Variants in SYCP1 observed in about 807,000 individuals in gnomAD.
The protein encoded by SYCP1 is cancer/testis antigen 8.
SYCP1 carries 64 observed loss-of-function variants against 153.1 expected under a neutral mutation model. The ratio of observed to expected loss-of-function variants is 0.42; its 90% confidence interval spans 0.34 to 0.51. The LOEUF (loss-of-function observed/expected upper bound fraction) is 0.51. Ranked by LOEUF, SYCP1 falls within the 20% of genes least tolerant of loss-of-function variation. The probability of loss-of-function intolerance (pLI) is 0.06; values close to 1 mark genes in which losing one functional copy is unlikely to be tolerated. For missense variants in SYCP1, 997 were observed against 1,049.0 expected, an observed-to-expected ratio of 0.95 and a Z score of 0.68; for synonymous variants, 384 against 341.8, an observed-to-expected ratio of 1.12 and a Z score of -1.36.
At chr1:114,976,034 T>A (rs1392941904) in intron 27 of SYCP1, among the ~76,000 whole-genome samples, 2 of 151,814 alleles carry the variant, frequency 1.3e-5, no homozygotes, top group Non-Finnish European at 3.0e-5. Flanking sequence ...TTGATGCTGA[T>A]ATGCTTGCAC....
intron 12 of SYCP1, among the ~76,000 whole-genome samples, chr1:114,878,711 T>G (rs1665709223): frequency 1.3e-5 from 2 of 152,154 alleles, no homozygotes; most frequent in Admixed American, 1.3e-4. Flanking sequence ...GCCTGGCTAA[T>G]TTTTGTATTT....
chr1:114,969,905 C>T (rs1672368566), intron 27 of SYCP1, among the ~76,000 whole-genome samples: 1 of 152,148 alleles, frequency 6.6e-6, no homozygotes, highest in Non-Finnish European at 1.5e-5. Context: ...GATGGAGTTC[C>T]CCGGTCCCTT....
chr1:114,916,509 A>G (rs1264512666), intron 20 of SYCP1, among the ~76,000 whole-genome samples: 1 of 152,020 alleles, frequency 6.6e-6, no homozygotes, highest in African/African-American at 2.4e-5. Flanking sequence ...TTGATAATTT[A>G]AAAGATAAGG....
Position 114,920,929 on chromosome 1 carries a change from AT to A in SYCP1, c.1719-2518del, listed in dbSNP as rs139879005. 6.6e-3 allele frequency among the ~76,000 whole-genome samples: 1,002 copies of A among 152,144 alleles called. 6 individuals are homozygous for A. Among genetic ancestry groups the A allele is most frequent in the Non-Finnish European group, 8.9e-3 (603 of 67,992 alleles). On this transcript the variant is annotated intron_variant, in intron 20 of 31. Coordinates refer to ENST00000369522, the MANE Select transcript of SYCP1 (RefSeq NM_003176.4). ...CCTGTTGGGTCTTGTTTTTCTATCC[AT>A]TCAATTGCTCTATGTCTTTTGATTG...
At chr1:114,887,585 C>T (rs1666400392) in intron 14 of SYCP1, 41 bp from the exon 15 acceptor site, 1 of 1,367,596 alleles carries the variant, frequency 7.3e-7, no homozygotes, top group Non-Finnish European at 1.0e-6. Flanking sequence ...TGAATTCTGA[C>T]TAAAATAATA....
At chr1:114,982,457 G>C (rs946162203) in intron 29 of SYCP1, among the ~76,000 whole-genome samples, 3 of 151,482 alleles carry the variant, frequency 2.0e-5, no homozygotes, top group Non-Finnish European at 2.9e-5. Flanking sequence ...TTATATTCAG[G>C]CTCATGGATT....
chr1:114,917,439 G>A (rs1245017801), intron 20 of SYCP1, among the ~76,000 whole-genome samples: 1 of 152,098 alleles, frequency 6.6e-6, no homozygotes, highest in Non-Finnish European at 1.5e-5. Context: ...TGTGAACAGT[G>A]CTTCAATTAA....
intron 15 of SYCP1, 83 bp from the exon 16 acceptor site, chr1:114,895,365 G>T (rs6661511): frequency 1.3e-6 from 1 of 786,384 alleles, no homozygotes; most frequent in Non-Finnish European, 1.9e-6. Context: ...TCCCTTTTGC[G>T]TAGTATTATG....
At chr1:114,879,546 T>C (rs1356376345) in intron 12 of SYCP1, among the ~76,000 whole-genome samples, 1 of 152,206 alleles carries the variant, frequency 6.6e-6, no homozygotes, top group African/African-American at 2.4e-5. Flanking sequence ...GTTTGTCCCC[T>C]GTGACTAGGA....
At chr1:114,923,949 G>T (rs1669083967) in intron 21 of SYCP1, among the ~76,000 whole-genome samples, 1 of 152,144 alleles carries the variant, frequency 6.6e-6, no homozygotes. Flanking sequence ...TATGTGACAT[G>T]ATTATAGTAT....
chr1:114,874,448 T>G, intron 8 of SYCP1, 58 bp from the exon 9 acceptor site: 1 of 1,020,736 alleles, frequency 9.8e-7, no homozygotes, highest in East Asian at 2.5e-5. Flanking sequence ...ATTTTGAGTA[T>G]TGTCTTGTTG....
intron 27 of SYCP1, among the ~76,000 whole-genome samples, chr1:114,970,760 A>G (rs1440462932): frequency 6.6e-6 from 1 of 152,090 alleles, no homozygotes; most frequent in Non-Finnish European, 1.5e-5. Context: ...CTATGATGTG[A>G]TTCATCTTCA....
chr1:114,953,121 C>A (rs1481387267), intron 27 of SYCP1, among the ~76,000 whole-genome samples: 2 of 152,150 alleles, frequency 1.3e-5, no homozygotes, highest in African/African-American at 4.8e-5. Flanking sequence ...AAGGGCAGAG[C>A]CCTCATGGCC....
intron 8 of SYCP1, among the ~76,000 whole-genome samples, chr1:114,862,027 C>T (rs746436096): frequency 6.6e-6 from 1 of 151,908 alleles, no homozygotes; most frequent in East Asian, 1.9e-4. Context: ...TCTCGACCTC[C>T]TGACCTCAGG....
intron 28 of SYCP1, among the ~76,000 whole-genome samples, chr1:114,978,222 A>G (rs994455152): frequency 6.6e-6 from 1 of 151,620 alleles, no homozygotes; most frequent in South Asian, 2.1e-4. Context: ...ATCTTCTGCC[A>G]CAAGTAGAGC....
At chr1:114,979,891 T>C (rs1570908773) in intron 28 of SYCP1, among the ~76,000 whole-genome samples, 1 of 151,878 alleles carries the variant, frequency 6.6e-6, no homozygotes, top group East Asian at 1.9e-4. Flanking sequence ...ACCTGGCTCC[T>C]AGTTCAATGA....
At chr1:114,969,483 C>T (rs1672340479) in intron 27 of SYCP1, among the ~76,000 whole-genome samples, 1 of 152,100 alleles carries the variant, frequency 6.6e-6, no homozygotes, top group Admixed American at 6.6e-5. Flanking sequence ...GGTGGACTCC[C>T]CTCCACCTCC....
chr1:114,879,034 T>G (rs1557765505), intron 12 of SYCP1, among the ~76,000 whole-genome samples: 1 of 152,062 alleles, frequency 6.6e-6, no homozygotes, highest in Non-Finnish European at 1.5e-5. Flanking sequence ...AGTAGGAATG[T>G]TAGGGTATAT....
At chr1:114,958,659 G>A (rs540789153) in intron 27 of SYCP1, among the ~76,000 whole-genome samples, 24 of 151,422 alleles carry the variant, frequency 1.6e-4, no homozygotes, top group African/African-American at 5.6e-4. Flanking sequence ...GGTGGCCCAT[G>A]CCTGTAATCC....
Sources: allele counts gnomAD v4.1 joint callset (sites outside exome capture counted in the v4.1 genomes callset), GRCh38; gene constraint gnomAD v4.1.1; transcripts MANE v1.5; gene names NCBI Gene and HGNC (gene_info 2026-07-23, HGNC 2026-07-21).